Variants in BMPR1A observed in about 807,000 individuals in gnomAD.
BMPR1A encodes the protein bone morphogenetic protein receptor type 1A.
In BMPR1A, 7 loss-of-function variants were observed where a neutral mutation model predicts 66.0. That is an observed-to-expected ratio of 0.11 (90% CI 0.06 to 0.20). BMPR1A has a LOEUF of 0.20. Among genes scored for constraint, BMPR1A ranks in the 10% least tolerant of loss-of-function variants. BMPR1A has a pLI of 1.00. For missense variants in BMPR1A, 408 were observed against 669.1 expected (o/e 0.61, Z 4.31); for synonymous variants, 200 against 229.7 (o/e 0.87, Z 1.17).
rs540113443 is a variant in BMPR1A, at chr10:86,912,489, CA to C, written c.675+106del. On this transcript the variant is annotated intron_variant, in intron 8 of 12. Coordinates refer to ENST00000372037, the MANE Select transcript of BMPR1A (RefSeq NM_004329.3). ...GCAGATCAGGGAACAATAATGGACA[CA>C]TTTTTTTCTCCTTATTTAGAAAGAG... 3.3e-4 allele frequency: 457 copies of C among 1,405,964 alleles called. 3 individuals are homozygous for C. In the South Asian group the frequency reaches 5.2e-3, roughly 16 times the overall value. 87.1% of individuals were successfully genotyped at this position (1,405,964 alleles called of 1,614,324 possible).
At chr10:86,798,140 T>A (rs1841751424) in intron 1 of BMPR1A, among the ~76,000 whole-genome samples, 1 of 151,398 alleles carries the variant, frequency 6.6e-6, no homozygotes, top group African/African-American at 2.4e-5. Context: ...AGCATATTTG[T>A]AAGACTTTTA....
intron 8 of BMPR1A, 62 bp from the exon 9 acceptor site, chr10:86,917,072 T>C: frequency 6.4e-7 from 1 of 1,561,224 alleles, no homozygotes; most frequent in South Asian, 1.1e-5. Context: ...GGACTACCCC[T>C]TTGCCAGTCT....
At chr10:86,910,971 A>G (rs1843472089) in intron 7 of BMPR1A, among the ~76,000 whole-genome samples, 2 of 152,052 alleles carry the variant, frequency 1.3e-5, no homozygotes, top group African/African-American at 2.4e-5. Context: ...CCTAGGCAAC[A>G]TGGTGAAACC....
At chr10:86,921,434 A>G in intron 10 of BMPR1A, 86 bp from the exon 11 acceptor site, 1 of 1,565,364 alleles carries the variant, frequency 6.4e-7, no homozygotes, top group Non-Finnish European at 8.8e-7. Flanking sequence ...GGAGAAAAAG[A>G]AGCTTTTATA....
chr10:86,913,226 AGC>A (rs1843516459), intron 8 of BMPR1A, among the ~76,000 whole-genome samples: 1 of 151,722 alleles, frequency 6.6e-6, no homozygotes, highest in Non-Finnish European at 1.5e-5. Flanking sequence ...CCCAAGTTCA[AGC>A]AATTCCCGTC....
chr10:86,913,599 G>C (rs1039676986), intron 8 of BMPR1A, among the ~76,000 whole-genome samples: 2 of 152,086 alleles, frequency 1.3e-5, no homozygotes, highest in African/African-American at 4.8e-5. Flanking sequence ...GCAGAATACA[G>C]AGTCATTGTA....
In BMPR1A at chr10:86,900,106, C is replaced by T. The variant is rs747266339; in HGVS notation, c.510C>T (p.Phe170=). The T allele has an allele frequency of 3.3e-5, 54 of 1,613,720 alleles. No homozygotes were observed. The highest frequency in any genetic ancestry group is 4.4e-5 in the Non-Finnish European group (52 of 1,180,012). The change falls in exon 7 of 13, where the codon TTC becomes TTT. Residue 170 remains phenylalanine, a synonymous_variant. Coordinates refer to ENST00000372037, the MANE Select transcript of BMPR1A (RefSeq NM_004329.3). The part of the protein sequence containing the change: ...MAVCIIAMII[F]SSCFCYKHYC... ...TCTGCATAATTGCTATGATCATCTT[C>T]TCCAGCTGCTTTTGTTACAAGTAAG...
chr10:86,860,365 CA>C (rs772698088), intron 2 of BMPR1A, among the ~76,000 whole-genome samples: 2 of 151,930 alleles, frequency 1.3e-5, no homozygotes, highest in Non-Finnish European at 2.9e-5. Context: ...ATATGTAAGG[CA>C]ATGCTATATG....
At chr10:86,790,227 ATATATATATC>A (rs1564685675) in intron 1 of BMPR1A, among the ~76,000 whole-genome samples, 23 of 97,638 alleles carry the variant, frequency 2.4e-4, no homozygotes, top group African/African-American at 6.9e-4. Context: ...ATATATATAT[ATATATATATC>A]AAAACCACAA....
intron 1 of BMPR1A, among the ~76,000 whole-genome samples, chr10:86,818,253 G>A (rs1255270648): frequency 2.6e-5 from 4 of 152,124 alleles, no homozygotes; most frequent in Non-Finnish European, 5.9e-5. Flanking sequence ...TCCTGACCTC[G>A]TGATCTGCCC....
chr10:86,929,676 A>G (rs140882364), downstream of BMPR1A: 4 of 152,358 alleles, frequency 2.6e-5, no homozygotes, highest in East Asian at 5.8e-4. Context: ...CCTGGTAAAG[A>G]AGACTCAGTG....
At chr10:86,805,815 T>C (rs964407045) in intron 1 of BMPR1A, among the ~76,000 whole-genome samples, 31 of 152,180 alleles carry the variant, frequency 2.0e-4, no homozygotes, top group African/African-American at 7.2e-4. Context: ...TCTTCAGTTA[T>C]CAAATTCAGG....
Position 86,799,465 on chromosome 10 carries a change from CCTTT to C in BMPR1A, c.-267-39396_-267-39393del, listed in dbSNP as rs1324667181. ...TAATTGTACATTTTCTTTCTTCCTT[CCTTT>C]CTTCCTTCCTTCCTTCCTTCCTTCC... On this transcript the variant is annotated intron_variant, in intron 1 of 12. Transcript: ENST00000372037. Among the ~76,000 whole-genome samples the C allele has an allele frequency of 4.5e-3, 596 of 132,786 alleles. 7 individuals carry two copies. Among genetic ancestry groups the C allele is most frequent in the African/African-American group, 0.016 (562 of 34,182 alleles). 87.1% of individuals were successfully genotyped at this position (132,786 alleles called of 152,430 possible). A position where few individuals can be genotyped will look rare whatever the true frequency, so the allele number is the denominator to read the frequency against.
At chr10:86,850,051 T>G (rs1176887928) in intron 2 of BMPR1A, among the ~76,000 whole-genome samples, 1 of 152,162 alleles carries the variant, frequency 6.6e-6, no homozygotes, top group African/African-American at 2.4e-5. Context: ...CCGGGTGCAG[T>G]GGCTCATGCC....
intron 4 of BMPR1A, 127 bp from the exon 5 acceptor site, chr10:86,892,000 A>G (rs1281037359): frequency 4.1e-6 from 3 of 735,514 alleles, no homozygotes; most frequent in African/African-American, 1.7e-5. Flanking sequence ...TCACGTGTGA[A>G]TGCAATTCTA....
chr10:86,896,997 G>C (rs1028528990), intron 5 of BMPR1A, among the ~76,000 whole-genome samples: 3 of 152,316 alleles, frequency 2.0e-5, no homozygotes, highest in Admixed American at 2.0e-4. Context: ...GTGTGGCACA[G>C]AACAGATGTG....
intron 8 of BMPR1A, among the ~76,000 whole-genome samples, chr10:86,912,858 C>G (rs1412127402): frequency 1.3e-5 from 2 of 152,034 alleles, no homozygotes; most frequent in Non-Finnish European, 2.9e-5. Flanking sequence ...TCTCAATATA[C>G]TACTACCAAA....
chr10:86,779,112 A>G (rs1346280698), intron 1 of BMPR1A, among the ~76,000 whole-genome samples: 3 of 152,062 alleles, frequency 2.0e-5, no homozygotes, highest in Non-Finnish European at 2.9e-5. Flanking sequence ...CTGTGTATGT[A>G]TACCATATTT....
At chr10:86,761,646 C>T (rs1294390595) in intron 1 of BMPR1A, among the ~76,000 whole-genome samples, 1 of 152,150 alleles carries the variant, frequency 6.6e-6, no homozygotes, top group East Asian at 1.9e-4. Context: ...AAGGTCATCA[C>T]CAAGGTCTGA....
Sources: allele counts gnomAD v4.1 joint callset (sites outside exome capture counted in the v4.1 genomes callset), GRCh38; gene constraint gnomAD v4.1.1; transcripts MANE v1.5; gene names NCBI Gene and HGNC (gene_info 2026-07-23, HGNC 2026-07-21).